Variants in PITPNM3 observed in about 807,000 individuals in gnomAD.
PITPNM3 encodes the protein PITPNM family member 3.
PITPNM3 carries 26 observed loss-of-function variants against 102.0 expected under a neutral mutation model. That is an observed-to-expected ratio of 0.25 (90% CI 0.19 to 0.35). The LOEUF (loss-of-function observed/expected upper bound fraction) is 0.35, where lower values mean the gene tolerates loss of function less well. Ranked by LOEUF, PITPNM3 falls within the 10% of genes least tolerant of loss-of-function variation. The probability of loss-of-function intolerance (pLI) is 1.00; values close to 1 mark genes in which losing one functional copy is unlikely to be tolerated. For synonymous variants in PITPNM3, 578 were observed against 558.6 expected (o/e 1.03, Z -0.49); for missense variants, 1,083 against 1,346.1 (o/e 0.80, Z 3.06).
At chr17:6,519,604 C>G (rs1260850148) in intron 3 of PITPNM3, among the ~76,000 whole-genome samples, 1 of 151,592 alleles carries the variant, frequency 6.6e-6, no homozygotes, top group African/African-American at 2.4e-5. Context: ...CCAAGTCGGG[C>G]AGATCACTTG....
rs771732183 is a variant in PITPNM3 at position 6,471,343 on chromosome 17, T to C, written c.1442A>G (p.His481Arg). The change falls in exon 12 of 20, where the codon CAC becomes CGC. Residue 481 changes from histidine to arginine, a missense_variant. This residue lies in a region of PITPNM3 where 410 missense variants were observed against 638.4 expected (regional missense o/e 0.64). Transcript: ENST00000262483. Reference protein sequence around the residue: ...GQSLLLADALHTHSPLFLEGS... With the variant: ...GQSLLLADALRTHSPLFLEGS... ...CTCCAGGAAGAGGGGGCTGTGGGTG[T>C]GTAGGGCATCAGCTGGAGGGGGAAT... 2 of 1,598,016 alleles carry C rather than the reference T, an allele frequency of 1.3e-6. No homozygotes were observed. Among genetic ancestry groups the C allele is most frequent in the African/African-American group, 1.3e-5 (1 of 74,716 alleles).
chr17:6,554,636 CA>C lies in PITPNM3; in HGVS notation c.22+1748del, dbSNP rs1910505117. ...CTCTCAGCCCAGGGACCAAAGGACC[CA>C]CAGGCTAAGGCAGAGGGACTGAGAC... On this transcript the variant is annotated intron_variant, in intron 1 of 19. Coordinates refer to ENST00000262483, the MANE Select transcript of PITPNM3 (RefSeq NM_031220.4). 3.3e-5 allele frequency among the ~76,000 whole-genome samples: 5 copies of C among 152,252 alleles called. No individual in the cohort carries two copies. In the South Asian group the frequency reaches 1.0e-3, roughly 32 times the overall value.
chr17:6,483,563 C>T lies in PITPNM3; in HGVS notation c.541G>A (p.Val181Ile), dbSNP rs61755430. The T allele has an allele frequency of 8.3e-3, 13,373 of 1,613,914 alleles. 68 individuals are homozygous for T. The highest frequency in any genetic ancestry group is 0.01 in the Non-Finnish European group (12,021 of 1,179,980). The stretch of plus-strand genomic sequence containing the variant: ...TCAGAGCAGATGGCAGGACAGGGGA[C>T]GAACTTGATGAGGATGTGGCCCAGG... ...AALGHILIKF[V>I]PCPAICSEAF... The change falls in exon 6 of 20, where the codon GTC (valine) becomes ATC (isoleucine). Residue 181 changes from valine (V) to isoleucine (I), a missense_variant. Transcript: ENST00000262483.
At position 6,452,685 on chromosome 17, in the gene PITPNM3, C is replaced by G. The variant is rs1296170554; in HGVS notation, c.*2653G>C. 1 of 152,260 alleles carries G rather than the reference C, an allele frequency of 6.6e-6. No homozygotes were observed. Among genetic ancestry groups the G allele is most frequent in the Non-Finnish European group, 1.5e-5 (1 of 68,064 alleles). The allele number at this position is 152,260 out of a possible 1,614,324, so 9.4% of individuals were successfully genotyped here. ...CTTGTCTCGCCACTAAACAGAACCG[C>G]AGGTACACACTCACACACGCCAACT... On this transcript the variant is annotated 3_prime_UTR_variant, in exon 20 of 20. Coordinates refer to ENST00000262483, the MANE Select transcript of PITPNM3 (RefSeq NM_031220.4).
At position 6,472,727 on chromosome 17, in the gene PITPNM3, G is replaced by A; in HGVS notation, c.1359C>T (p.His453=). 1 of 1,614,088 alleles carries A rather than the reference G, an allele frequency of 6.2e-7. No homozygotes were observed. The highest frequency in any genetic ancestry group is 8.5e-7 in the Non-Finnish European group (1 of 1,179,984). The change falls in exon 11 of 20, where the codon CAC becomes CAT. Residue 453 remains histidine (H), a synonymous_variant. Coordinates refer to ENST00000262483, the MANE Select transcript of PITPNM3 (RefSeq NM_031220.4). This position sits in a 1 kb window ranked among gnomAD's most constrained non-coding sequence, Gnocchi z 4.1. ...RLEPLLEPKF[H]LVPPVSVPRY... ...GAGGCACGCTGACAGGCGGCACCAG[G>A]TGGAACTTGGGCTCCAGCAGTGGCT...
At chr17:6,522,065 C>T (rs1337437483) in intron 3 of PITPNM3, among the ~76,000 whole-genome samples, 5 of 152,152 alleles carry the variant, frequency 3.3e-5, no homozygotes, top group Non-Finnish European at 7.3e-5. Flanking sequence ...TTACACCACC[C>T]ATGTAGAATG....
At position 6,455,275 on chromosome 17, in the gene PITPNM3, C is replaced by G; in HGVS notation, c.*63G>C. ...CCTGTGTCGGGGAGAGGGCAGCCCC[C>G]TCCCGTCCCCGCAGGCAGCCTGATT... On this transcript the variant is annotated 3_prime_UTR_variant, in exon 20 of 20. Transcript: ENST00000262483. The G allele has an allele frequency of 6.6e-7, 1 of 1,510,802 alleles. No homozygotes were observed. Among genetic ancestry groups the G allele is most frequent in the Non-Finnish European group, 8.8e-7 (1 of 1,130,016 alleles). The allele number at this position is 1,510,802 out of a possible 1,614,324, so 93.6% of individuals were successfully genotyped here. A position where few individuals can be genotyped will look rare whatever the true frequency, so the allele number is the denominator to read the frequency against.
In PITPNM3 at chr17:6,462,522, AC is replaced by A. The variant is rs762153383; in HGVS notation, c.2307-967del. On this transcript the variant is annotated intron_variant, in intron 17 of 19. Coordinates refer to ENST00000262483, the MANE Select transcript of PITPNM3 (RefSeq NM_031220.4). Reference sequence around the variant, plus strand: ...ATATTCCCATCTTCCATCTTTCAAGACCCCCCTTCCTCCAGGAAGCCTTCCC... The same window carrying A: ...ATATTCCCATCTTCCATCTTTCAAGACCCCCTTCCTCCAGGAAGCCTTCCC... 2.0e-5 allele frequency among the ~76,000 whole-genome samples: 3 copies of A among 151,240 alleles called. No individual in the cohort carries two copies. In the East Asian group the frequency reaches 5.9e-4, roughly 29 times the overall value.
Position 6,470,531 on chromosome 17 carries a change from G to C in PITPNM3, c.1625-123C>G. On this transcript the variant is annotated intron_variant, in intron 12 of 19. Transcript: ENST00000262483. The surrounding 1 kb of genome is among the most constrained non-coding windows in gnomAD (Gnocchi z 4.8). ...CCACGTGGGGCACGGGTTTGGGCGG[G>C]AGCACCCTGGCCTGGAGGAGGCCTG... 3.0e-6 allele frequency: 4 copies of C among 1,326,818 alleles called. No individual in the cohort carries two copies. Among genetic ancestry groups the C allele is most frequent in the Admixed American group, 3.7e-5 (2 of 54,048 alleles). 82.2% of individuals were successfully genotyped at this position (1,326,818 alleles called of 1,614,324 possible). A position where few individuals can be genotyped will look rare whatever the true frequency, so the allele number is the denominator to read the frequency against.
rs773330513 is a variant in PITPNM3 at position 6,451,872 on chromosome 17, A to ACCC, written c.*3465_*3466insGGG. On this transcript the variant is annotated 3_prime_UTR_variant, in exon 20 of 20. Transcript: ENST00000262483. ...AGGTTTCCAGGGCACTTGGCACCCA[A>ACCC]ACCCCCCCCCCCCGCCCGCCGATGG... 2 of 62,182 alleles carry ACCC rather than the reference A, an allele frequency of 3.2e-5. No homozygotes were observed. Among genetic ancestry groups the ACCC allele is most frequent in the Admixed American group, 2.2e-4 (1 of 4,534 alleles). The allele number at this position is 62,182 out of a possible 1,614,324, so 3.9% of individuals were successfully genotyped here.
At chr17:6,550,597 A>C (rs1246510886) in intron 1 of PITPNM3, among the ~76,000 whole-genome samples, 1 of 152,134 alleles carries the variant, frequency 6.6e-6, no homozygotes, top group East Asian at 1.9e-4. Flanking sequence ...CTGTCTCCCA[A>C]CCTGCTTAAC....
At chr17:6,476,857 G>A (rs1045282147) in intron 9 of PITPNM3, among the ~76,000 whole-genome samples, 172 bp downstream of exon 9, 1 of 152,212 alleles carries the variant, frequency 6.6e-6, no homozygotes, top group African/African-American at 2.4e-5. Context: ...CAGGGCTGCC[G>A]ACGAGTGGCT....
At chr17:6,541,164 G>A (rs961920164) in intron 1 of PITPNM3, among the ~76,000 whole-genome samples, 15 of 152,134 alleles carry the variant, frequency 9.9e-5, no homozygotes, top group South Asian at 2.1e-4. Flanking sequence ...AACAAAGGTC[G>A]TATTTCCAAC....
intron 3 of PITPNM3, among the ~76,000 whole-genome samples, chr17:6,509,074 T>C (rs572336608): frequency 6.6e-6 from 1 of 152,240 alleles, no homozygotes; most frequent in African/African-American, 2.4e-5. Flanking sequence ...GCAGACAGGA[T>C]GGGCTACAAG....
rs571253984 is a variant in PITPNM3, at chr17:6,464,016, G to T, written c.2157-135C>A. On this transcript the variant is annotated intron_variant, in intron 16 of 19. Transcript: ENST00000262483. Reference sequence around the variant, plus strand: ...GAGCACCTGGGTGGCATCTCCTGATGCCACGGCTGGTGACCTCTCCCATCC... The same window carrying T: ...GAGCACCTGGGTGGCATCTCCTGATTCCACGGCTGGTGACCTCTCCCATCC... The T allele has an allele frequency of 6.1e-4, 933 of 1,531,268 alleles. 3 individuals are homozygous for T. The highest frequency in any genetic ancestry group is 4.9e-4 in the Non-Finnish European group (543 of 1,117,966). 94.9% of individuals were successfully genotyped at this position (1,531,268 alleles called of 1,614,324 possible).
chr17:6,554,856 C>T (rs1910516168), intron 1 of PITPNM3, among the ~76,000 whole-genome samples: 1 of 152,182 alleles, frequency 6.6e-6, no homozygotes. Context: ...CCCAGGATCA[C>T]GGTACAGTAA....
chr17:6,474,553 C>A lies in PITPNM3; in HGVS notation c.1137G>T (p.Gly379=), dbSNP rs763649204. The A allele has an allele frequency of 1.2e-6, 2 of 1,601,546 alleles. No homozygotes were observed. Among genetic ancestry groups the A allele is most frequent in the South Asian group, 1.1e-5 (1 of 89,316 alleles). Residue 379 remains glycine, a synonymous_variant, in exon 10 of 20, where the codon GGG becomes GGT. Transcript: ENST00000262483. ...CCAGGCTGACCTCAGGGAGCTGCGG[C>A]CCCCCAGCCGCCGGGGTCTCAGACT... ...KDESETPAAG[G]PQLPEVSLGR...
intron 19 of PITPNM3, among the ~76,000 whole-genome samples, chr17:6,456,362 A>G (rs1014634784): frequency 1.3e-5 from 2 of 152,066 alleles, no homozygotes; most frequent in African/African-American, 4.8e-5. Flanking sequence ...CACTTGGCTC[A>G]CTAGAATCCT....
rs1000071308 is a variant in PITPNM3, at chr17:6,470,683, C to T, written c.1625-275G>A. On this transcript the variant is annotated intron_variant, in intron 12 of 19. Coordinates refer to ENST00000262483, the MANE Select transcript of PITPNM3 (RefSeq NM_031220.4). The surrounding 1 kb of genome is among the most constrained non-coding windows in gnomAD (Gnocchi z 4.8). Reference sequence around the variant, plus strand: ...AGACGTCCACAGTCTCACCCAGGGCCGCCGCTCAGTGGCAGTTCCCAGTGG... The same window carrying T: ...AGACGTCCACAGTCTCACCCAGGGCTGCCGCTCAGTGGCAGTTCCCAGTGG... 3.3e-5 allele frequency among the ~76,000 whole-genome samples: 5 copies of T among 152,188 alleles called. No individual in the cohort carries two copies. The East Asian group carries it at 5.8e-4, about 18-fold the overall frequency.
Sources: allele counts gnomAD v4.1 joint callset (sites outside exome capture counted in the v4.1 genomes callset), GRCh38; gene constraint gnomAD v4.1.1; regional missense constraint gnomAD v4.1.1; non-coding constraint Gnocchi (gnomAD v3.1); transcripts MANE v1.5; gene names NCBI Gene and HGNC (gene_info 2026-07-23, HGNC 2026-07-21).